SYNE1: variants seen among roughly 807,000 people sequenced by gnomAD.
The protein encoded by SYNE1 is spectrin repeat containing nuclear envelope protein 1.
In SYNE1, 616 loss-of-function variants were observed where a neutral mutation model predicts 1,111.0. That is an observed-to-expected ratio of 0.55 (90% CI 0.52 to 0.59). The LOEUF is 0.59. Ranked by LOEUF, SYNE1 falls within the 20% of genes least tolerant of loss-of-function variation. The pLI is 0.00. For missense variants in SYNE1, 10,006 were observed against 10,417.0 expected (o/e 0.96, Z 1.72); for synonymous variants, 3,855 against 3,825.8 (o/e 1.01, Z -0.28).
chr6:152,610,549 G>A (rs1041809913), intron 3 of SYNE1, among the ~76,000 whole-genome samples: 29 of 152,188 alleles, frequency 1.9e-4, no homozygotes, highest in African/African-American at 6.8e-4. Flanking sequence ...GGGGAGAATG[G>A]AACCAAGTTG....
intron 131 of SYNE1, among the ~76,000 whole-genome samples, chr6:152,163,409 G>A (rs932967091): frequency 6.6e-6 from 1 of 150,378 alleles, no homozygotes; most frequent in African/African-American, 2.5e-5. Flanking sequence ...TGAGGCAGGA[G>A]AATCGCTTAA....
intron 128 of SYNE1, among the ~76,000 whole-genome samples, chr6:152,182,582 A>G (rs1439332449): frequency 2.6e-5 from 4 of 152,202 alleles, no homozygotes; most frequent in Non-Finnish European, 4.4e-5. Flanking sequence ...TTTCAAACAA[A>G]TTTCCTTTTT....
At chr6:152,155,775 T>C (rs2061272813) in intron 132 of SYNE1, 135 bp downstream of exon 132, 2 of 1,014,882 alleles carry the variant, frequency 2.0e-6, no homozygotes, top group Admixed American at 4.0e-5. Context: ...ATGTAGACAA[T>C]AGTAAGTTTG....
rs138770612 is a variant in SYNE1, at chr6:152,331,057, T to A, written c.13628A>T (p.Tyr4543Phe). ...LGKLQELQSV[Y>F]DSVLQKCSHR... ...ACTGCACTTTTGTAAAACACTGTCA[T>A]AGACACTCTGCAATTCCTGAAGCTT... The change falls in exon 78 of 146, where the codon TAT (tyrosine) becomes TTT (phenylalanine). Residue 4543 changes from tyrosine to phenylalanine, a missense_variant. Tyr to Phe is a conservative substitution (Grantham distance 22, BLOSUM62 3). Transcript: ENST00000367255. 3 of 1,614,052 alleles carry A rather than the reference T, an allele frequency of 1.9e-6. No individual in the cohort carries two copies. The highest frequency in any genetic ancestry group is 3.3e-5 in the Admixed American group (2 of 60,000).
chr6:152,176,334 C>A, intron 130 of SYNE1, 60 bp downstream of exon 130: 1 of 1,605,920 alleles, frequency 6.2e-7, no homozygotes, highest in Non-Finnish European at 8.5e-7. Flanking sequence ...TGATGAAAGG[C>A]AGACTGAAAG....
Position 152,343,114 on chromosome 6 carries a change from T to A in SYNE1, c.12225+967A>T, listed in dbSNP as rs1187786563. 2.6e-5 allele frequency among the ~76,000 whole-genome samples: 4 copies of A among 151,804 alleles called. No individual in the cohort carries two copies. The East Asian group carries it at 5.8e-4, about 22-fold the overall frequency. On this transcript the variant is annotated intron_variant, in intron 74 of 145. Coordinates refer to ENST00000367255, the MANE Select transcript of SYNE1 (RefSeq NM_182961.4). ...CCAACAGAATAAATATTAGAATTAA[T>A]CTTTGGTTACAGTGCCCATTCTCTT...
rs546563880 is a variant in SYNE1, at chr6:152,520,607, A to G, written c.226-65T>C. On this transcript the variant is annotated intron_variant, in intron 5 of 145. Transcript: ENST00000367255. ...TGCATATTAAAATGTTAGTTATAAG[A>G]TCTATTTAAATGGATTAAAAATATA... is the stretch of plus-strand genomic sequence containing the variant. The G allele has an allele frequency of 1.4e-5, 21 of 1,508,582 alleles. No homozygotes were observed. In the African/African-American group the frequency reaches 2.6e-4, roughly 19 times the overall value. The allele number at this position is 1,508,582 out of a possible 1,614,324, so 93.4% of individuals were successfully genotyped here.
chr6:152,434,723 A>T (rs1332489626), intron 33 of SYNE1: 1 of 152,078 alleles, frequency 6.6e-6, no homozygotes, highest in African/African-American at 2.4e-5. Flanking sequence ...AAAGACTAAG[A>T]AACTAACAGT....
intron 132 of SYNE1, chr6:152,155,323 T>G: frequency 7.2e-6 from 3 of 417,174 alleles, no homozygotes; most frequent in Non-Finnish European, 1.3e-5. Flanking sequence ...CTGCCTTGAA[T>G]GTGTGCACCA....
chr6:152,190,961 G>A (rs143196334), intron 127 of SYNE1, among the ~76,000 whole-genome samples: 144 of 152,288 alleles, frequency 9.5e-4, no homozygotes, highest in Admixed American at 1.7e-3. Context: ...TCTATGCTCA[G>A]TTTTTTGAGG....
chr6:152,567,331 G>A (rs923696654), intron 3 of SYNE1, among the ~76,000 whole-genome samples: 3 of 151,056 alleles, frequency 2.0e-5, no homozygotes, highest in East Asian at 4.0e-4. Context: ...TAATCATTCT[G>A]TTAATAACTC....
chr6:152,395,103 T>G (rs2097711931), intron 51 of SYNE1, among the ~76,000 whole-genome samples: 1 of 152,056 alleles, frequency 6.6e-6, no homozygotes, highest in Non-Finnish European at 1.5e-5. Flanking sequence ...TTTTCTTTTT[T>G]TTATCTTTAC....
chr6:152,490,334 A>C (rs1437528299), intron 11 of SYNE1, among the ~76,000 whole-genome samples: 6 of 152,012 alleles, frequency 3.9e-5, no homozygotes, highest in Non-Finnish European at 7.4e-5. Flanking sequence ...ACTACACAAA[A>C]TCCTTGTCAG....
intron 21 of SYNE1, among the ~76,000 whole-genome samples, chr6:152,460,940 G>A (rs1033699813): frequency 2.7e-5 from 4 of 150,934 alleles, no homozygotes; most frequent in East Asian, 2.0e-4. Context: ...AGGCTCCTGA[G>A]TAGCTGGGAT....
chr6:152,502,541 T>C, intron 10 of SYNE1, 92 bp downstream of exon 10: 3 of 987,268 alleles, frequency 3.0e-6, no homozygotes, highest in Non-Finnish European at 4.8e-6. Context: ...TTAAAATGCA[T>C]TCAAATTTAA....
At position 152,416,654 on chromosome 6, in the gene SYNE1, C is replaced by T. The variant is rs1241708653; in HGVS notation, c.5783G>A (p.Gly1928Asp). ...ALESAAVSLD[G>D]ILSKAQYHLK... ...ATGGTATTGGGCTTTGGAAAGAATG[C>T]CATCCAGACTGACGGCAGCAGATTC... The change falls in exon 41 of 146, where the codon GGC becomes GAC. Residue 1928 changes from glycine to aspartate, a missense_variant. Gly to Asp is a moderately conservative substitution (Grantham distance 94, BLOSUM62 -1). Around this residue, in one of 7 missense-constraint regions of SYNE1, gnomAD observed 4,955 missense variants for 5,017.2 expected, o/e 0.99. Coordinates refer to ENST00000367255, the MANE Select transcript of SYNE1 (RefSeq NM_182961.4). 1 of 1,614,170 alleles carries T rather than the reference C, an allele frequency of 6.2e-7. No homozygotes were observed. Among genetic ancestry groups the T allele is most frequent in the East Asian group, 2.2e-5 (1 of 44,870 alleles).
chr6:152,629,544 A>AGGGGGGGGG (rs1565300100), intron 2 of SYNE1, among the ~76,000 whole-genome samples: 1 of 15,410 alleles, frequency 6.5e-5, no homozygotes, highest in Non-Finnish European at 1.1e-4. Flanking sequence ...GGGGAGGGGG[A>AGGGGGGGGG]GGGGAGGAGG....
At chr6:152,411,056 G>A (rs75656165) in intron 42 of SYNE1, among the ~76,000 whole-genome samples, 3,507 of 152,276 alleles carry the variant, frequency 0.023, 52 homozygotes, top group Non-Finnish European at 0.035. Context: ...ATTATATAAT[G>A]TGCTCCGAAT....
At chr6:152,354,384 A>AATGCTTGTATTAT (rs1017344017) in intron 67 of SYNE1, among the ~76,000 whole-genome samples, 2 of 152,234 alleles carry the variant, frequency 1.3e-5, no homozygotes, top group African/African-American at 4.8e-5. Flanking sequence ...AAATTATTGT[A>AATGCTTGTATTAT]ATACAAGCAT....
Sources: gnomAD v4.1 joint callset for allele counts (sites outside exome capture counted in the v4.1 genomes callset) on GRCh38, gnomAD v4.1.1 for gene constraint, gnomAD v4.1.1 regional missense constraint, MANE v1.5 for transcripts, NCBI Gene and HGNC (gene_info 2026-07-23, HGNC 2026-07-21) for gene names.